Variants in DLGAP5 observed in about 807,000 individuals in gnomAD.
DLGAP5 encodes disks large-associated protein 5.
Under a neutral mutation model 99.6 loss-of-function variants are expected in DLGAP5, and 90 were observed. That is an observed-to-expected ratio of 0.90 (90% CI 0.76 to 1.08). The LOEUF is 1.08. DLGAP5 is among the 50% of genes least tolerant of loss of function. The pLI is 0.00. For missense variants in DLGAP5, 1,036 were observed against 983.5 expected (o/e 1.05, Z -0.71); for synonymous variants, 311 against 321.3 (o/e 0.97, Z 0.34).
chr14:55,169,829 G>A (rs546325558), intron 11 of DLGAP5, among the ~76,000 whole-genome samples: 36 of 152,176 alleles, frequency 2.4e-4, no homozygotes, highest in Non-Finnish European at 3.8e-4. Flanking sequence ...AGAACTCAAC[G>A]TCAGCCGGTG....
At chr14:55,149,140 G>A (rs974849481) in intron 18 of DLGAP5, among the ~76,000 whole-genome samples, 2 of 152,152 alleles carry the variant, frequency 1.3e-5, no homozygotes, top group African/African-American at 2.4e-5. Flanking sequence ...ACTTAACAAT[G>A]AGAACATATA....
chr14:55,166,238 A>G (rs753408427), intron 12 of DLGAP5, among the ~76,000 whole-genome samples: 1 of 152,220 alleles, frequency 6.6e-6, no homozygotes, highest in Non-Finnish European at 1.5e-5. Flanking sequence ...GCAAGCTACA[A>G]TATGGATAAA....
Position 55,154,902 on chromosome 14 carries a change from C to A in DLGAP5, c.1874-96G>T, listed in dbSNP as rs1211970270. 4 of 1,069,358 alleles carry A rather than the reference C, an allele frequency of 3.7e-6. No homozygotes were observed. The African/African-American group carries it at 4.8e-5, about 13-fold the overall frequency. 66.2% of individuals were successfully genotyped at this position (1,069,358 alleles called of 1,614,324 possible). ...GAAAATCCTATCAATTAGCCTCTTT[C>A]TCCTGTCAAATAATGTCTGTTAAAG... On this transcript the variant is annotated intron_variant, in intron 14 of 18. Coordinates refer to ENST00000247191, the MANE Select transcript of DLGAP5 (RefSeq NM_014750.5).
chr14:55,176,530 A>T (rs1883066512), intron 8 of DLGAP5, among the ~76,000 whole-genome samples: 1 of 152,194 alleles, frequency 6.6e-6, no homozygotes, highest in Non-Finnish European at 1.5e-5. Context: ...AAAAACCCAA[A>T]TTGTATAGTG....
intron 12 of DLGAP5, among the ~76,000 whole-genome samples, chr14:55,166,811 G>C (rs576306149): frequency 1.3e-5 from 2 of 150,634 alleles, no homozygotes; most frequent in African/African-American, 4.9e-5. Flanking sequence ...AAAAATGATT[G>C]AACTGTACAT....
At chr14:55,169,726 C>G (rs1882786049) in intron 11 of DLGAP5, among the ~76,000 whole-genome samples, 167 bp from the exon 12 acceptor site, 1 of 152,220 alleles carries the variant, frequency 6.6e-6, no homozygotes, top group African/African-American at 2.4e-5. Context: ...TGAGTACTAA[C>G]TATTTGCTTC....
chr14:55,188,779 TAAAAAAA>T lies in DLGAP5; in HGVS notation c.238+156_238+162del, dbSNP rs397852487. On this transcript the variant is annotated intron_variant, in intron 2 of 18. Coordinates refer to ENST00000247191, the MANE Select transcript of DLGAP5 (RefSeq NM_014750.5). ...CAGTGAGACCCTGTCTCTTGTAATT[TAAAAAAA>T]AAAAAAAAAAAAAAAGGAAAAAGAC... is the stretch of plus-strand genomic sequence containing the variant. 6.2e-3 allele frequency among the ~76,000 whole-genome samples: 716 copies of T among 116,232 alleles called. 4 individuals are homozygous for T. The highest frequency in any genetic ancestry group is 0.025 in the Middle Eastern group (5 of 204). 76.3% of individuals were successfully genotyped at this position (116,232 alleles called of 152,430 possible).
At chr14:55,181,387 A>G in intron 4 of DLGAP5, 90 bp from the exon 5 acceptor site, 1 of 1,031,110 alleles carries the variant, frequency 9.7e-7, no homozygotes, top group South Asian at 1.6e-5. Context: ...CTCATATGAA[A>G]TCTGATCATC....
chr14:55,158,460 A>T, intron 14 of DLGAP5, 62 bp downstream of exon 14: 1 of 1,431,558 alleles, frequency 7.0e-7, no homozygotes, highest in Non-Finnish European at 9.6e-7. Context: ...CATCTATCCC[A>T]AATATTTCTC....
intron 12 of DLGAP5, among the ~76,000 whole-genome samples, chr14:55,163,855 C>T (rs563576168): frequency 3.3e-5 from 5 of 152,276 alleles, no homozygotes; most frequent in Admixed American, 1.3e-4. Context: ...AGGTCTTTTG[C>T]CCATTTTTAA....
intron 2 of DLGAP5, 140 bp downstream of exon 2, chr14:55,188,798 AAAAG>A: frequency 4.8e-6 from 3 of 618,642 alleles, no homozygotes; most frequent in Non-Finnish European, 8.0e-6. Flanking sequence ...AAAAAAAAAA[AAAAG>A]GAAAAAGACC....
At chr14:55,149,716 GA>G (rs1450446635) in intron 18 of DLGAP5, among the ~76,000 whole-genome samples, 1 of 150,622 alleles carries the variant, frequency 6.6e-6, no homozygotes, top group Non-Finnish European at 1.5e-5. Flanking sequence ...ACTTGATGAA[GA>G]AAAAAATGAC....
In DLGAP5 at chr14:55,148,256, G is replaced by A. The variant is rs1337991940; in HGVS notation, c.*95C>T. 3 of 1,274,372 alleles carry A rather than the reference G, an allele frequency of 2.4e-6. No individual in the cohort carries two copies. The highest frequency in any genetic ancestry group is 2.8e-5 in the South Asian group (2 of 71,354). 78.9% of individuals were successfully genotyped at this position (1,274,372 alleles called of 1,614,324 possible). A position where few individuals can be genotyped will look rare whatever the true frequency, so the allele number is the denominator to read the frequency against. On this transcript the variant is annotated 3_prime_UTR_variant, in exon 19 of 19. Transcript: ENST00000247191. Reference sequence around the variant, plus strand: ...TATTAAAACATTATATGCTATAGAAGTGAACACAAATACATTTTCTCCAAA... The same window carrying A: ...TATTAAAACATTATATGCTATAGAAATGAACACAAATACATTTTCTCCAAA...
chr14:55,178,537 T>G (rs551372254), intron 7 of DLGAP5, among the ~76,000 whole-genome samples: 1 of 152,342 alleles, frequency 6.6e-6, no homozygotes, highest in African/African-American at 2.4e-5. Flanking sequence ...TATTTCAACC[T>G]GGACAAGAGT....
chr14:55,187,436 G>A (rs1226096721), intron 2 of DLGAP5, among the ~76,000 whole-genome samples: 2 of 149,670 alleles, frequency 1.3e-5, no homozygotes, highest in African/African-American at 2.5e-5. Context: ...CTCCTGCCTC[G>A]GCCTCCTGAG....
At chr14:55,176,969 T>G in intron 8 of DLGAP5, 93 bp downstream of exon 8, 1 of 977,416 alleles carries the variant, frequency 1.0e-6, no homozygotes, top group Non-Finnish European at 1.3e-6. Context: ...CAGAGCGAAC[T>G]CCGTCTGAAA....
At chr14:55,152,400 T>C (rs1321624656) in intron 16 of DLGAP5, among the ~76,000 whole-genome samples, 190 bp downstream of exon 16, 1 of 152,216 alleles carries the variant, frequency 6.6e-6, no homozygotes, top group East Asian at 1.9e-4. Context: ...CATTCTGATA[T>C]GAGTTGAAGA....
intron 7 of DLGAP5, among the ~76,000 whole-genome samples, chr14:55,178,914 G>A (rs1883178371): frequency 6.6e-6 from 1 of 152,094 alleles, no homozygotes; most frequent in Admixed American, 6.5e-5. Flanking sequence ...GGGCGTGGTG[G>A]TGCACGTCTG....
intron 3 of DLGAP5, among the ~76,000 whole-genome samples, chr14:55,183,159 A>T (rs565546114): frequency 2.9e-4 from 44 of 152,104 alleles, no homozygotes; most frequent in Non-Finnish European, 5.1e-4. Context: ...CTATTCTATT[A>T]CAATAGTCTC....
Sources: allele counts gnomAD v4.1 joint callset (sites outside exome capture counted in the v4.1 genomes callset), GRCh38; gene constraint gnomAD v4.1.1; transcripts MANE v1.5; gene names NCBI Gene and HGNC (gene_info 2026-07-23, HGNC 2026-07-21).